Variants in ZNF346 observed in about 807,000 individuals in gnomAD.
The protein encoded by ZNF346 is zinc finger protein 346, also known as double-stranded RNA-binding zinc finger protein JAZ.
A neutral mutation model predicts 33.7 loss-of-function variants in ZNF346; 23 were observed. That is an observed-to-expected ratio of 0.68 (90% CI 0.49 to 0.97). ZNF346 has a LOEUF of 0.97. Among genes scored for constraint, ZNF346 ranks in the 50% least tolerant of loss-of-function variants. The probability of loss-of-function intolerance (pLI) is 0.00; values close to 1 mark genes in which losing one functional copy is unlikely to be tolerated. For missense variants in ZNF346, 340 were observed against 371.1 expected (o/e 0.92, Z 0.69); for synonymous variants, 134 against 142.4 (o/e 0.94, Z 0.42).
chr5:177,069,850 T>C (rs6891133), downstream of ZNF346, among the ~76,000 whole-genome samples: 19,635 of 151,680 alleles, frequency 0.13, 2,961 homozygotes, highest in African/African-American at 0.37. Flanking sequence ...TTTGTAGGGA[T>C]GGCGTCTCAC....
Position 177,044,477 on chromosome 5 carries a change from T to C in ZNF346, c.461T>C (p.Leu154Pro), listed in dbSNP as rs1779773524. The C allele has an allele frequency of 6.2e-7, 1 of 1,613,950 alleles. No homozygotes were observed. Among genetic ancestry groups the C allele is most frequent in the African/African-American group, 1.3e-5 (1 of 74,916 alleles). Residue 154 changes from leucine to proline, a missense_variant, in exon 4 of 7, where the codon CTG (leucine) becomes CCG (proline). Coordinates refer to ENST00000358149, the MANE Select transcript of ZNF346 (RefSeq NM_012279.4). The part of the protein sequence containing the change: ...SSPVVAQSHY[L>P]GKTHAKNLKL... ...CCTGTCGTGGCCCAGTCGCACTACCTGGGGAAGACCCACGCAAAGAACTTA... is the reference window on the plus strand; with the variant it reads ...CCTGTCGTGGCCCAGTCGCACTACCCGGGGAAGACCCACGCAAAGAACTTA...
intron 8 of ZNF346, among the ~76,000 whole-genome samples, chr5:177,078,783 C>T (rs372015740): frequency 6.7e-4 from 102 of 151,290 alleles, no homozygotes; most frequent in African/African-American, 2.1e-3. Context: ...TGGTGGCACA[C>T]GCCTGTAATC....
intron 1 of ZNF346, among the ~76,000 whole-genome samples, chr5:177,037,098 T>C (rs1228260596): frequency 6.6e-6 from 1 of 152,170 alleles, no homozygotes; most frequent in East Asian, 1.9e-4. Flanking sequence ...GTTTTGTCAG[T>C]TTTGTCCGGT....
At chr5:177,023,249 G>A in intron 1 of ZNF346, 2 of 1,524,172 alleles carry the variant, frequency 1.3e-6, no homozygotes, top group Non-Finnish European at 1.8e-6. Flanking sequence ...GCCAAGCCGA[G>A]TGCCCCTCAC....
downstream of ZNF346, among the ~76,000 whole-genome samples, chr5:177,070,404 C>A (rs1783446084): frequency 1.3e-5 from 2 of 152,064 alleles, no homozygotes; most frequent in Non-Finnish European, 2.9e-5. Context: ...TATGAGGGAG[C>A]CCCTGCTCAT....
chr5:177,059,361 C>T (rs1782175484), intron 5 of ZNF346, among the ~76,000 whole-genome samples: 2 of 152,160 alleles, frequency 1.3e-5, no homozygotes, highest in Non-Finnish European at 2.9e-5. Flanking sequence ...AGAATAGTTC[C>T]TGAGGGTCCC....
At position 177,023,371 on chromosome 5, in the gene ZNF346, C is replaced by A. The variant is rs371830781; in HGVS notation, c.175+458C>A. On this transcript the variant is annotated intron_variant, in intron 1 of 6. Transcript: ENST00000358149. ...GCTCTGGAAGGCCTTCTCCTTACCC[C>A]CTGGGTTCCTCCTGGTCTTGATGAC... 208 of 684,418 alleles carry A rather than the reference C, an allele frequency of 3.0e-4. 2 individuals are homozygous for A. In the East Asian group the frequency reaches 3.2e-3, roughly 10 times the overall value. 42.4% of individuals were successfully genotyped at this position (684,418 alleles called of 1,614,324 possible).
At chr5:177,031,024 G>T (rs1248460956) in intron 1 of ZNF346, among the ~76,000 whole-genome samples, 1 of 150,496 alleles carries the variant, frequency 6.6e-6, no homozygotes. Flanking sequence ...GAGTTCAAGC[G>T]ATTCTCTTTT....
At chr5:177,039,450 A>C (rs1002934234) in intron 1 of ZNF346, among the ~76,000 whole-genome samples, 2 of 148,196 alleles carry the variant, frequency 1.3e-5, no homozygotes, top group African/African-American at 5.2e-5. Flanking sequence ...CTTCCAGGGC[A>C]TCGACTTTTT....
At chr5:177,074,020 AG>A (rs1361841663) in intron 8 of ZNF346, among the ~76,000 whole-genome samples, 1 of 152,186 alleles carries the variant, frequency 6.6e-6, no homozygotes, top group Non-Finnish European at 1.5e-5. Flanking sequence ...TAGAGAGAGA[AG>A]CCAACAGCCA....
At chr5:177,071,086 G>T (rs1433176037), downstream of ZNF346, among the ~76,000 whole-genome samples, 1 of 152,198 alleles carries the variant, frequency 6.6e-6, no homozygotes, top group Non-Finnish European at 1.5e-5. Flanking sequence ...GGGGTGGCAT[G>T]AGGGACAAGG....
intron 1 of ZNF346, among the ~76,000 whole-genome samples, chr5:177,030,298 T>C (rs775352931): frequency 2.0e-5 from 3 of 152,088 alleles, no homozygotes; most frequent in Non-Finnish European, 4.4e-5. Context: ...TCAAAGAATA[T>C]ACTTGAGATG....
intron 5 of ZNF346, among the ~76,000 whole-genome samples, chr5:177,057,071 G>A (rs1781784431): frequency 6.6e-6 from 1 of 152,118 alleles, no homozygotes; most frequent in Non-Finnish European, 1.5e-5. Context: ...AGCACTTTGG[G>A]AGGCCGAGGC....
chr5:177,025,510 C>T (rs1776630380), intron 1 of ZNF346, among the ~76,000 whole-genome samples: 1 of 152,186 alleles, frequency 6.6e-6, no homozygotes, highest in Non-Finnish European at 1.5e-5. Flanking sequence ...TTTTATATTT[C>T]TGCCATCAGT....
At chr5:177,073,816 GGCGGGC>G (rs1783615088) in intron 8 of ZNF346, among the ~76,000 whole-genome samples, 1 of 145,684 alleles carries the variant, frequency 6.9e-6, no homozygotes, top group African/African-American at 2.7e-5. Flanking sequence ...ATCAAGATCG[GGCGGGC>G]GGGGGAGGGG....
chr5:177,041,739 C>T (rs1226884814), intron 2 of ZNF346, 39 bp from the exon 3 acceptor site: 1 of 1,293,174 alleles, frequency 7.7e-7, no homozygotes, highest in Admixed American at 1.7e-5. Flanking sequence ...TATGAAGTAG[C>T]ATTTGGCTAT....
At chr5:177,036,610 C>T (rs1231048657) in intron 1 of ZNF346, among the ~76,000 whole-genome samples, 1 of 152,162 alleles carries the variant, frequency 6.6e-6, no homozygotes, top group Non-Finnish European at 1.5e-5. Flanking sequence ...TCTCCGCTGT[C>T]ACACAGTCTC....
At chr5:177,048,349 C>T (rs1780381215) in intron 4 of ZNF346, among the ~76,000 whole-genome samples, 2 of 152,102 alleles carry the variant, frequency 1.3e-5, no homozygotes, top group South Asian at 2.1e-4. Flanking sequence ...AATAGTAGGC[C>T]GGGTGCTCAC....
intron 5 of ZNF346, among the ~76,000 whole-genome samples, chr5:177,061,078 C>CTCCA (rs1426110636): frequency 1.3e-5 from 2 of 150,584 alleles, no homozygotes; most frequent in Admixed American, 1.3e-4. Flanking sequence ...CACCACTGCA[C>CTCCA]TCCAGCCTGG....
Sources: allele counts gnomAD v4.1 joint callset (sites outside exome capture counted in the v4.1 genomes callset), GRCh38; gene constraint gnomAD v4.1.1; transcripts MANE v1.5; gene names NCBI Gene and HGNC (gene_info 2026-07-23, HGNC 2026-07-21).